Variants in EPHA5 observed in about 807,000 individuals in gnomAD.
EPHA5 encodes ephrin type-A receptor 5.
A neutral mutation model predicts 105.0 loss-of-function variants in EPHA5; 60 were observed. The observed-to-expected ratio is 0.57, with a 90% CI of 0.46 to 0.71. The LOEUF is 0.71. Among genes scored for constraint, EPHA5 ranks in the 30% least tolerant of loss-of-function variants. The probability of loss-of-function intolerance (pLI) is 0.00; values close to 1 mark genes in which losing one functional copy is unlikely to be tolerated. For synonymous variants in EPHA5, 513 were observed against 449.1 expected, an observed-to-expected ratio of 1.14 and a Z score of -1.80; for missense variants, 1,218 against 1,274.7, an observed-to-expected ratio of 0.96 and a Z score of 0.68.
At chr4:65,501,566 C>T (rs1732493197) in intron 3 of EPHA5, among the ~76,000 whole-genome samples, 1 of 151,474 alleles carries the variant, frequency 6.6e-6, no homozygotes, top group South Asian at 2.1e-4. Flanking sequence ...AAGATATATA[C>T]AAGAATAACT....
intron 3 of EPHA5, among the ~76,000 whole-genome samples, chr4:65,529,954 T>C (rs1354609946): frequency 6.6e-6 from 1 of 152,128 alleles, no homozygotes; most frequent in Non-Finnish European, 1.5e-5. Context: ...TACTAATATA[T>C]ACAAATAAGA....
intron 14 of EPHA5, among the ~76,000 whole-genome samples, 165 bp downstream of exon 14, chr4:65,347,889 C>T (rs1048457413): frequency 6.6e-6 from 1 of 152,178 alleles, no homozygotes; most frequent in East Asian, 1.9e-4. Context: ...TCATTTTGAG[C>T]TCCTGCTTAA....
chr4:65,357,714 A>G (rs1723437583), intron 11 of EPHA5, among the ~76,000 whole-genome samples: 1 of 151,386 alleles, frequency 6.6e-6, no homozygotes, highest in Non-Finnish European at 1.5e-5. Context: ...ACAAAGTTAC[A>G]GTATGCAAGA....
chr4:65,481,078 AT>A (rs981235365), intron 5 of EPHA5, among the ~76,000 whole-genome samples: 2 of 152,152 alleles, frequency 1.3e-5, no homozygotes, highest in Non-Finnish European at 2.9e-5. Flanking sequence ...TGAAGATTAT[AT>A]TTTTGGTGAC....
At chr4:65,364,078 T>C (rs1373948030) in intron 11 of EPHA5, among the ~76,000 whole-genome samples, 1 of 151,584 alleles carries the variant, frequency 6.6e-6, no homozygotes, top group Non-Finnish European at 1.5e-5. Flanking sequence ...CGTGTCTGGG[T>C]TGCTATCAAG....
intron 2 of EPHA5, among the ~76,000 whole-genome samples, chr4:65,633,141 A>G (rs1453686521): frequency 6.6e-6 from 1 of 152,070 alleles, no homozygotes; most frequent in East Asian, 1.9e-4. Context: ...TAAGGCAATG[A>G]ATAGCAAAAG....
chr4:65,382,322 C>T (rs1325788678), intron 8 of EPHA5, among the ~76,000 whole-genome samples: 3 of 151,360 alleles, frequency 2.0e-5, no homozygotes, highest in Non-Finnish European at 3.0e-5. Flanking sequence ...TAATGACTCT[C>T]TGTTTTTACT....
intron 6 of EPHA5, among the ~76,000 whole-genome samples, chr4:65,418,860 C>CTATTT (rs1560516457): frequency 1.3e-5 from 1 of 79,810 alleles, no homozygotes; most frequent in African/African-American, 5.4e-5. Context: ...CTTACCTAAA[C>CTATTT]TCTTTTTTTT....
At chr4:65,665,416 G>T (rs973575435) in intron 1 of EPHA5, among the ~76,000 whole-genome samples, 3 of 151,944 alleles carry the variant, frequency 2.0e-5, no homozygotes, top group African/African-American at 7.2e-5. Context: ...GGAAATGTTT[G>T]CTATAAACAG....
chr4:65,476,127 AGT>A lies in EPHA5; in HGVS notation c.1402+14248_1402+14249del, dbSNP rs58933650. ...GAGAGAGAGAGAGAGAGAGAGAGAGAGTGTGTGTGTGTGTGTGTGTGTGTGTG... is the reference window on the plus strand; with the variant it reads ...GAGAGAGAGAGAGAGAGAGAGAGAGAGTGTGTGTGTGTGTGTGTGTGTGTG... On this transcript the variant is annotated intron_variant, in intron 5 of 16. Transcript: ENST00000613740. 9.4e-3 allele frequency among the ~76,000 whole-genome samples: 1,117 copies of A among 119,194 alleles called. 28 individuals carry two copies. Among genetic ancestry groups the A allele is most frequent in the Admixed American group, 0.064 (739 of 11,562 alleles). 78.2% of individuals were successfully genotyped at this position (119,194 alleles called of 152,430 possible).
chr4:65,419,154 A>G (rs1352747122), intron 6 of EPHA5, among the ~76,000 whole-genome samples: 1 of 151,896 alleles, frequency 6.6e-6, no homozygotes, highest in African/African-American at 2.4e-5. Flanking sequence ...AAAGTTCTGG[A>G]ATTACAGGCA....
chr4:65,518,516 A>G (rs1171256058), intron 3 of EPHA5, among the ~76,000 whole-genome samples: 1 of 152,022 alleles, frequency 6.6e-6, no homozygotes, highest in Non-Finnish European at 1.5e-5. Flanking sequence ...ATCACCAACT[A>G]CATCCAAATT....
chr4:65,498,673 G>C (rs535482922), intron 3 of EPHA5, among the ~76,000 whole-genome samples: 3 of 151,830 alleles, frequency 2.0e-5, no homozygotes, highest in Admixed American at 2.0e-4. Flanking sequence ...GTGACTGTAA[G>C]GTATTTGGCT....
intron 11 of EPHA5, among the ~76,000 whole-genome samples, chr4:65,364,523 C>T (rs555928507): frequency 1.3e-5 from 2 of 151,512 alleles, no homozygotes; most frequent in African/African-American, 2.4e-5. Context: ...TTAAAAGGAA[C>T]TTTTCCTGTC....
At chr4:65,639,480 A>G (rs1747448159) in intron 2 of EPHA5, among the ~76,000 whole-genome samples, 2 of 152,120 alleles carry the variant, frequency 1.3e-5, no homozygotes, top group East Asian at 3.9e-4. Flanking sequence ...GATCTTTTAT[A>G]CAAGGTGAGA....
chr4:65,650,015 T>A (rs189352313), intron 1 of EPHA5, among the ~76,000 whole-genome samples: 57 of 152,338 alleles, frequency 3.7e-4, no homozygotes, highest in African/African-American at 1.3e-3. Context: ...ACAAATGATA[T>A]TAACAAATGA....
intron 5 of EPHA5, among the ~76,000 whole-genome samples, chr4:65,464,332 A>T (rs1323056140): frequency 6.6e-6 from 1 of 152,034 alleles, no homozygotes; most frequent in Non-Finnish European, 1.5e-5. Context: ...CGTGCCTACA[A>T]AATTTAAATA....
chr4:65,556,222 C>T (rs1298220126), intron 3 of EPHA5, among the ~76,000 whole-genome samples: 1 of 152,044 alleles, frequency 6.6e-6, no homozygotes, highest in African/African-American at 2.4e-5. Context: ...ATTTCACCAC[C>T]AGTTGAATTA....
chr4:65,327,396 T>A (rs769898945), intron 16 of EPHA5, among the ~76,000 whole-genome samples: 33 of 151,246 alleles, frequency 2.2e-4, no homozygotes, highest in Non-Finnish European at 4.2e-4. Flanking sequence ...CTCTTCCTTT[T>A]ACTTCTCTCT....
Sources: gnomAD v4.1 joint callset for allele counts (sites outside exome capture counted in the v4.1 genomes callset) on GRCh38, gnomAD v4.1.1 for gene constraint, MANE v1.5 for transcripts, NCBI Gene and HGNC (gene_info 2026-07-23, HGNC 2026-07-21) for gene names.